CAMK1D: variants seen among roughly 807,000 people sequenced by gnomAD.
CAMK1D encodes the protein calcium/calmodulin-dependent protein kinase type 1D.
Under a neutral mutation model 47.7 loss-of-function variants are expected in CAMK1D, and 9 were observed. The ratio of observed to expected loss-of-function variants is 0.19; its 90% CI spans 0.11 to 0.33. The LOEUF is 0.33. CAMK1D is among the 10% of genes least tolerant of loss of function. The probability of loss-of-function intolerance (pLI) is 1.00; values close to 1 mark genes in which losing one functional copy is unlikely to be tolerated. For missense variants in CAMK1D, 291 were observed against 488.7 expected (o/e 0.60, Z 3.81); for synonymous variants, 184 against 184.9 (o/e 0.99, Z 0.04).
chr10:12,680,258 A>G (rs1200508529), intron 3 of CAMK1D, among the ~76,000 whole-genome samples: 1 of 152,188 alleles, frequency 6.6e-6, no homozygotes, highest in African/African-American at 2.4e-5. Context: ...AATTGGTAAG[A>G]GCATTGAATG....
intron 2 of CAMK1D, among the ~76,000 whole-genome samples, chr10:12,587,396 C>T (rs906239584): frequency 1.6e-4 from 24 of 152,038 alleles, no homozygotes; most frequent in African/African-American, 5.6e-4. Flanking sequence ...TTAGTTGTCT[C>T]CATTTGTTCT....
intron 2 of CAMK1D, among the ~76,000 whole-genome samples, chr10:12,555,000 G>A (rs1836716607): frequency 6.6e-6 from 1 of 152,224 alleles, no homozygotes; most frequent in Non-Finnish European, 1.5e-5. Flanking sequence ...GATTTTGCAT[G>A]TTTGGAGTGT....
Position 12,520,939 on chromosome 10 carries a change from GGAGA to G in CAMK1D, c.93-32284_93-32281del, listed in dbSNP as rs1451498231. ...CCGTGGAAGGAGACCGTGGGGAGAG[GGAGA>G]GGGAGGGGGAGGGGGAGGGGGAGGG... On this transcript the variant is annotated intron_variant, in intron 1 of 10. Coordinates refer to ENST00000619168, the MANE Select transcript of CAMK1D (RefSeq NM_153498.4). 1.4e-3 allele frequency among the ~76,000 whole-genome samples: 33 copies of G among 23,144 alleles called. 1 individual carries two copies. The highest frequency in any genetic ancestry group is 5.0e-3 in the African/African-American group (31 of 6,216). The allele number at this position is 23,144 out of a possible 152,430, so 15.2% of individuals were successfully genotyped here.
In CAMK1D at chr10:12,542,167, T is replaced by C. The variant is rs76121524; in HGVS notation, c.93-11058T>C. On this transcript the variant is annotated intron_variant, in intron 1 of 10. Coordinates refer to ENST00000619168, the MANE Select transcript of CAMK1D (RefSeq NM_153498.4). Reference sequence around the variant, plus strand: ...GTGCTGGGATTACAGGCATGAGCCATGGAACCCCAGCTTTTCAGTGTTTTA... The same window carrying C: ...GTGCTGGGATTACAGGCATGAGCCACGGAACCCCAGCTTTTCAGTGTTTTA... 9.7e-3 allele frequency among the ~76,000 whole-genome samples: 1,474 copies of C among 152,178 alleles called. 48 individuals are homozygous for C. The highest frequency in any genetic ancestry group is 0.085 in the East Asian group (438 of 5,164).
chr10:12,675,280 C>T (rs1020106141), intron 3 of CAMK1D, among the ~76,000 whole-genome samples: 3 of 152,164 alleles, frequency 2.0e-5, no homozygotes, highest in African/African-American at 7.2e-5. Flanking sequence ...TATCTCCAGC[C>T]TGGAGCCCTG....
intron 1 of CAMK1D, among the ~76,000 whole-genome samples, chr10:12,422,270 G>A (rs907150623): frequency 2.6e-5 from 4 of 152,206 alleles, no homozygotes; most frequent in Non-Finnish European, 4.4e-5. Context: ...GGGCAAACAA[G>A]TCTGGTGGTG....
chr10:12,781,685 T>C (rs1299858501), intron 5 of CAMK1D, among the ~76,000 whole-genome samples: 3 of 151,498 alleles, frequency 2.0e-5, no homozygotes, highest in Non-Finnish European at 4.4e-5. Context: ...GGAGTCTTGC[T>C]GTGTTGCCCA....
At chr10:12,359,348 T>A (rs1313171986) in intron 1 of CAMK1D, among the ~76,000 whole-genome samples, 2 of 152,190 alleles carry the variant, frequency 1.3e-5, no homozygotes, top group Non-Finnish European at 2.9e-5. Context: ...TTTCCACAGA[T>A]TTGGAAGGCC....
chr10:12,713,501 C>T (rs1002681243), intron 3 of CAMK1D, among the ~76,000 whole-genome samples: 7 of 152,076 alleles, frequency 4.6e-5, no homozygotes, highest in Non-Finnish European at 1.0e-4. Context: ...TCTGTCGGCA[C>T]GGTACACAGT....
chr10:12,508,872 A>T (rs911923081), intron 1 of CAMK1D, among the ~76,000 whole-genome samples: 14 of 152,172 alleles, frequency 9.2e-5, no homozygotes, highest in Admixed American at 7.8e-4. Flanking sequence ...CTTTAAGAAG[A>T]TTAAAGGAAA....
At chr10:12,436,033 T>C (rs1301229831) in intron 1 of CAMK1D, among the ~76,000 whole-genome samples, 4 of 152,180 alleles carry the variant, frequency 2.6e-5, no homozygotes, top group African/African-American at 9.7e-5. Flanking sequence ...TGTGATTGCA[T>C]GCAGGTGAAC....
intron 2 of CAMK1D, among the ~76,000 whole-genome samples, chr10:12,638,685 G>C (rs925866026): frequency 5.9e-5 from 9 of 152,158 alleles, no homozygotes; most frequent in African/African-American, 2.2e-4. Context: ...TTTAGTCATA[G>C]CCATAGCCCC....
At position 12,832,024 on chromosome 10, in the gene CAMK1D, C is replaced by T. The variant is rs989589257; in HGVS notation, c.*3137C>T. The T allele has an allele frequency of 1.3e-5, 2 of 152,210 alleles. No homozygotes were observed. The highest frequency in any genetic ancestry group is 2.9e-5 in the Non-Finnish European group (2 of 68,116). The allele number at this position is 152,210 out of a possible 1,614,324, so 9.4% of individuals were successfully genotyped here. On this transcript the variant is annotated 3_prime_UTR_variant, in exon 11 of 11. Transcript: ENST00000619168. The stretch of plus-strand genomic sequence containing the variant: ...GCTGGGCTGAGGCTAAGGGTGGACG[C>T]GTAGACCCCATCACAGGCTTCCTTC...
At chr10:12,368,761 A>G (rs1390089062) in intron 1 of CAMK1D, among the ~76,000 whole-genome samples, 9 of 151,704 alleles carry the variant, frequency 5.9e-5, no homozygotes, top group Non-Finnish European at 1.2e-4. Context: ...AAAAAAAAGA[A>G]AGAGTATAAC....
At chr10:12,372,295 A>C (rs1838027715) in intron 1 of CAMK1D, among the ~76,000 whole-genome samples, 1 of 152,224 alleles carries the variant, frequency 6.6e-6, no homozygotes, top group African/African-American at 2.4e-5. Flanking sequence ...CAGCCATTCA[A>C]TAAAATAGAT....
In CAMK1D at chr10:12,555,129, G is replaced by A. The variant is rs1043840258; in HGVS notation, c.224+1773G>A. ...ATAGCAAGAATCTCTGTACAGATAA[G>A]CAAAGCAGAATGAGAACAAGCCTTC... On this transcript the variant is annotated intron_variant, in intron 2 of 10. Transcript: ENST00000619168. 3.3e-5 allele frequency among the ~76,000 whole-genome samples: 5 copies of A among 152,196 alleles called. No individual in the cohort carries two copies. The South Asian group carries it at 1.0e-3, about 31-fold the overall frequency.
chr10:12,704,565 A>T (rs1270767379), intron 3 of CAMK1D, among the ~76,000 whole-genome samples: 12 of 152,196 alleles, frequency 7.9e-5, no homozygotes, highest in Admixed American at 7.9e-4. Flanking sequence ...AAAGAGGAAA[A>T]AAAAAAAGAA....
At chr10:12,592,402 A>G (rs1838023596) in intron 2 of CAMK1D, among the ~76,000 whole-genome samples, 1 of 152,204 alleles carries the variant, frequency 6.6e-6, no homozygotes, top group African/African-American at 2.4e-5. Flanking sequence ...TTTCTTTTAA[A>G]CATCAATAAT....
At chr10:12,604,893 C>CTT (rs35403180) in intron 2 of CAMK1D, among the ~76,000 whole-genome samples, 37 of 144,888 alleles carry the variant, frequency 2.6e-4, no homozygotes, top group Middle Eastern at 3.6e-3. Context: ...CCTTTTTTTT[C>CTT]TTTTTTTTTT....
Sources: allele counts gnomAD v4.1 joint callset (sites outside exome capture counted in the v4.1 genomes callset), GRCh38; gene constraint gnomAD v4.1.1; transcripts MANE v1.5; gene names NCBI Gene and HGNC (gene_info 2026-07-23, HGNC 2026-07-21).